The following GRAMD2B variants were observed in gnomAD, a reference collection of about 807,000 sequenced individuals.
GRAMD2B encodes the protein GRAM domain-containing protein 2B.
A neutral mutation model predicts 59.2 loss-of-function variants in GRAMD2B; 41 were observed. That is an observed-to-expected ratio of 0.69 (90% CI 0.54 to 0.90). The LOEUF is 0.90. Among genes scored for constraint, GRAMD2B ranks in the 40% least tolerant of loss-of-function variants. The pLI is 0.00. For synonymous variants in GRAMD2B, 161 were observed against 182.7 expected, an observed-to-expected ratio of 0.88 and a Z score of 0.96; for missense variants, 424 against 500.5, an observed-to-expected ratio of 0.85 and a Z score of 1.46.
chr5:126,383,796 A>G (rs1209609460), intron 1 of GRAMD2B, among the ~76,000 whole-genome samples: 1 of 152,188 alleles, frequency 6.6e-6, no homozygotes. Flanking sequence ...TTCGAGGGTC[A>G]TTTAATTCCA....
chr5:126,400,217 T>G lies in GRAMD2B; in HGVS notation c.125+28650T>G, dbSNP rs190431083. Among the ~76,000 whole-genome samples, 1,045 of 152,176 alleles carry G rather than the reference T, an allele frequency of 6.9e-3. 6 individuals carry two copies. The highest frequency in any genetic ancestry group is 8.8e-3 in the Non-Finnish European group (599 of 67,970). ...AACCAAAAGAAAGCAGGAGTGAGTA[T>G]AGAAGAAAAAATAGATTTTAAATCT... On this transcript the variant is annotated intron_variant, in intron 1 of 8. Coordinates refer to the GRAMD2B transcript ENST00000506445.
intron 1 of GRAMD2B, among the ~76,000 whole-genome samples, chr5:126,416,913 G>A (rs916641578): frequency 6.6e-6 from 1 of 152,128 alleles, no homozygotes; most frequent in African/African-American, 2.4e-5. Flanking sequence ...CTTACTCATT[G>A]AAACTGTGTT....
chr5:126,477,922 A>G (rs890064487), intron 6 of GRAMD2B, 135 bp downstream of exon 6: 13 of 636,094 alleles, frequency 2.0e-5, no homozygotes, highest in African/African-American at 5.5e-5. Context: ...GGAAAATTCC[A>G]TAAGACTAAT....
chr5:126,423,305 T>C (rs562022644), upstream of GRAMD2B: 40 of 1,238,286 alleles, frequency 3.2e-5, 1 homozygote, highest in South Asian at 7.0e-4. Context: ...GTTCAACAGG[T>C]TTCCTTTTTC....
intron 1 of GRAMD2B, among the ~76,000 whole-genome samples, chr5:126,437,527 C>T (rs1174317084): frequency 6.6e-6 from 1 of 152,044 alleles, no homozygotes; most frequent in Non-Finnish European, 1.5e-5. Context: ...AGAGTGGGTC[C>T]AATTTCCCAC....
chr5:126,382,581 T>C (rs1755750653), intron 1 of GRAMD2B, among the ~76,000 whole-genome samples: 1 of 152,212 alleles, frequency 6.6e-6, no homozygotes, highest in Non-Finnish European at 1.5e-5. Context: ...TCTGGAGATT[T>C]TTCTGACCAT....
chr5:126,484,465 G>T lies in GRAMD2B; in HGVS notation c.911G>T (p.Arg304Leu), dbSNP rs756364725. ...TCCAAGGGAGAAGCAAAGCCAACTC[G>T]GGCAGATGCCCATGTGAACAGAGTA... ...NVSKGEAKPT[R>L]ADAHVNRVPE... Residue 304 changes from arginine to leucine, a missense_variant, in exon 10 of 14, where the codon CGG becomes CTG. Arg to Leu is a moderately radical substitution (Grantham distance 102, BLOSUM62 -2). Transcript: ENST00000285689. The T allele has an allele frequency of 6.8e-6, 11 of 1,614,008 alleles. No homozygotes were observed. In the Admixed American group the frequency reaches 1.8e-4, roughly 27 times the overall value.
intron 1 of GRAMD2B, among the ~76,000 whole-genome samples, chr5:126,406,677 C>T (rs1758293833): frequency 6.6e-6 from 1 of 151,984 alleles, no homozygotes; most frequent in South Asian, 2.1e-4. Context: ...TTAGTAACCC[C>T]TGGATACCCA....
At chr5:126,450,983 C>G (rs925600040) in intron 1 of GRAMD2B, among the ~76,000 whole-genome samples, 26 of 152,374 alleles carry the variant, frequency 1.7e-4, no homozygotes, top group African/African-American at 6.0e-4. Flanking sequence ...CACAGAGTGC[C>G]CAACAGGGCA....
At chr5:126,424,674 G>A (rs762077993) in intron 1 of GRAMD2B, among the ~76,000 whole-genome samples, 16 of 152,114 alleles carry the variant, frequency 1.1e-4, no homozygotes, top group Non-Finnish European at 1.8e-4. Flanking sequence ...ATTTCCCTGC[G>A]TCTGTAACTG....
chr5:126,448,395 G>A (rs372345605), intron 1 of GRAMD2B, among the ~76,000 whole-genome samples: 19 of 151,976 alleles, frequency 1.3e-4, no homozygotes, highest in African/African-American at 4.3e-4. Flanking sequence ...GGGGCAGCAT[G>A]ACAAGAGGTT....
At chr5:126,427,389 T>G (rs1030959415) in intron 1 of GRAMD2B, among the ~76,000 whole-genome samples, 1 of 147,744 alleles carries the variant, frequency 6.8e-6, no homozygotes, top group African/African-American at 2.5e-5. Flanking sequence ...CCCAAAATGA[T>G]GCTGATATAT....
intron 1 of GRAMD2B, among the ~76,000 whole-genome samples, chr5:126,412,990 TTCTC>T (rs1286090587): frequency 2.0e-5 from 3 of 152,106 alleles, no homozygotes; most frequent in African/African-American, 7.2e-5. Context: ...TATTTAGATC[TTCTC>T]TCTTTTTTCT....
At chr5:126,407,486 A>G (rs142913318) in intron 1 of GRAMD2B, among the ~76,000 whole-genome samples, 2 of 152,128 alleles carry the variant, frequency 1.3e-5, no homozygotes, top group East Asian at 1.9e-4. Flanking sequence ...TGGCAAAAGC[A>G]TCTTCCTTTC....
intron 1 of GRAMD2B, among the ~76,000 whole-genome samples, chr5:126,458,227 G>T (rs1213191148): frequency 6.6e-6 from 1 of 152,056 alleles, no homozygotes; most frequent in Non-Finnish European, 1.5e-5. Context: ...TTGAGGTCAG[G>T]AGTTCAAGAC....
At chr5:126,446,135 T>A (rs1256017369) in intron 1 of GRAMD2B, among the ~76,000 whole-genome samples, 1 of 152,234 alleles carries the variant, frequency 6.6e-6, no homozygotes, top group Non-Finnish European at 1.5e-5. Flanking sequence ...ACTCATTTTT[T>A]TAAAAATCAA....
At chr5:126,435,089 G>A (rs1306570285) in intron 1 of GRAMD2B, among the ~76,000 whole-genome samples, 1 of 152,176 alleles carries the variant, frequency 6.6e-6, no homozygotes, top group Admixed American at 6.5e-5. Flanking sequence ...AAGTAATTCA[G>A]CAAGCAGTTA....
chr5:126,431,083 T>C (rs899293330), intron 1 of GRAMD2B, among the ~76,000 whole-genome samples: 7 of 152,242 alleles, frequency 4.6e-5, no homozygotes, highest in African/African-American at 1.4e-4. Context: ...CACCTTATAG[T>C]TCCTTGTCTC....
intron 8 of GRAMD2B, among the ~76,000 whole-genome samples, chr5:126,481,381 G>A (rs537775838): frequency 5.9e-5 from 9 of 152,078 alleles, no homozygotes; most frequent in East Asian, 1.9e-4. Flanking sequence ...ACCCATAATG[G>A]TTATAATGTT....
Sources: allele counts gnomAD v4.1 joint callset (sites outside exome capture counted in the v4.1 genomes callset), GRCh38; gene constraint gnomAD v4.1.1; transcripts MANE v1.5; gene names NCBI Gene and HGNC (gene_info 2026-07-23, HGNC 2026-07-21).